PLCB1: variants seen among roughly 807,000 people sequenced by gnomAD.
PLCB1 encodes 1-phosphatidylinositol 4,5-bisphosphate phosphodiesterase beta-1.
Under a neutral mutation model 161.8 loss-of-function variants are expected in PLCB1, and 46 were observed. The observed-to-expected ratio is 0.28, with a 90% confidence interval of 0.22 to 0.36. PLCB1 has a LOEUF of 0.36. Ranked by LOEUF, PLCB1 falls within the 10% of genes least tolerant of loss-of-function variation. The pLI is 1.00. For missense variants in PLCB1, 1,016 were observed against 1,472.5 expected (o/e 0.69, Z 5.07); for synonymous variants, 517 against 503.7 (o/e 1.03, Z -0.35).
intron 1 of PLCB1, among the ~76,000 whole-genome samples, chr20:8,137,384 T>C (rs2051360279): frequency 6.6e-6 from 1 of 152,224 alleles, no homozygotes; most frequent in East Asian, 1.9e-4. Context: ...AGTTGGTAGC[T>C]GGCTGATGTG....
intron 31 of PLCB1, among the ~76,000 whole-genome samples, chr20:8,834,808 CAGAAAAAAAA>C (rs1986202579): frequency 3.1e-5 from 1 of 32,148 alleles, no homozygotes; most frequent in African/African-American, 1.5e-4. Context: ...GACTCTGCCT[CAGAAAAAAAA>C]AAAAAAAAAA....
At chr20:8,180,646 T>C (rs1333906534) in intron 2 of PLCB1, among the ~76,000 whole-genome samples, 2 of 148,264 alleles carry the variant, frequency 1.3e-5, no homozygotes, top group Non-Finnish European at 3.0e-5. Flanking sequence ...CTTTCAGGAA[T>C]CCAAAGTCCA....
chr20:8,688,643 T>G (rs1291933422), intron 10 of PLCB1, among the ~76,000 whole-genome samples: 1 of 152,174 alleles, frequency 6.6e-6, no homozygotes, highest in East Asian at 1.9e-4. Context: ...TTGTCAAAGA[T>G]CAGTTGGCTG....
chr20:8,352,880 C>T (rs1190245160), intron 2 of PLCB1, among the ~76,000 whole-genome samples: 1 of 152,102 alleles, frequency 6.6e-6, no homozygotes, highest in Non-Finnish European at 1.5e-5. Flanking sequence ...AGAATTGTGA[C>T]ATCAGTGTGA....
At chr20:8,254,437 T>C (rs988320393) in intron 2 of PLCB1, among the ~76,000 whole-genome samples, 2 of 151,992 alleles carry the variant, frequency 1.3e-5, no homozygotes, top group Non-Finnish European at 2.9e-5. Context: ...AATTTTGGGC[T>C]AATGTATCTT....
rs1980294746 is a variant in PLCB1, at chr20:8,436,191, G to A, written c.246+64741G>A. ...CTCTACTAAAAACACAAAAAAGTTA[G>A]CCAGGCATGGTTAATTAGCCCTGCT... is the stretch of plus-strand genomic sequence containing the variant. On this transcript the variant is annotated intron_variant, in intron 3 of 31. Coordinates refer to ENST00000338037, the MANE Select transcript of PLCB1 (RefSeq NM_015192.4). 2.6e-5 allele frequency among the ~76,000 whole-genome samples: 4 copies of A among 152,124 alleles called. No individual in the cohort carries two copies. In the South Asian group the frequency reaches 8.3e-4, roughly 32 times the overall value.
chr20:8,628,937 A>T (rs1040139991), intron 4 of PLCB1, among the ~76,000 whole-genome samples: 6 of 152,116 alleles, frequency 3.9e-5, no homozygotes, highest in Non-Finnish European at 5.9e-5. Flanking sequence ...TATCTCAAAA[A>T]AAAAAAATAA....
rs1167968829 is a variant in PLCB1 at position 8,422,213 on chromosome 20, G to C, written c.246+50763G>C. Among the ~76,000 whole-genome samples, 5 of 152,298 alleles carry C rather than the reference G, an allele frequency of 3.3e-5. No individual in the cohort carries two copies. In the East Asian group the frequency reaches 9.6e-4, roughly 29 times the overall value. ...TCAGCTGGTGAAGTTTATAGAGCCA[G>C]ATGTATTTAGTAGAAATCAGAGCGT... is the stretch of plus-strand genomic sequence containing the variant. On this transcript the variant is annotated intron_variant, in intron 3 of 31. Coordinates refer to ENST00000338037, the MANE Select transcript of PLCB1 (RefSeq NM_015192.4).
chr20:8,336,987 A>T (rs990203990), intron 2 of PLCB1, among the ~76,000 whole-genome samples: 3 of 152,142 alleles, frequency 2.0e-5, no homozygotes, highest in Non-Finnish European at 2.9e-5. Flanking sequence ...ACATGTATTT[A>T]CATATTTTAG....
intron 3 of PLCB1, among the ~76,000 whole-genome samples, chr20:8,478,663 A>C (rs1302917931): frequency 6.6e-6 from 1 of 152,184 alleles, no homozygotes; most frequent in Non-Finnish European, 1.5e-5. Context: ...TAATTAAGGA[A>C]GGTAGCTTTG....
At chr20:8,414,678 A>G (rs1040820969) in intron 3 of PLCB1, among the ~76,000 whole-genome samples, 5 of 152,196 alleles carry the variant, frequency 3.3e-5, no homozygotes, top group African/African-American at 1.2e-4. Flanking sequence ...CACTGCTAGA[A>G]ATGTTCTGTA....
chr20:8,202,176 A>G (rs942186925), intron 2 of PLCB1, among the ~76,000 whole-genome samples: 1 of 152,162 alleles, frequency 6.6e-6, no homozygotes, highest in African/African-American at 2.4e-5. Flanking sequence ...TCCTGGGTTC[A>G]TGCAATTCTC....
At position 8,434,069 on chromosome 20, in the gene PLCB1, G is replaced by A. The variant is rs377065839; in HGVS notation, c.246+62619G>A. Among the ~76,000 whole-genome samples, 5 of 152,266 alleles carry A rather than the reference G, an allele frequency of 3.3e-5. No homozygotes were observed. The South Asian group carries it at 1.0e-3, about 32-fold the overall frequency. On this transcript the variant is annotated intron_variant, in intron 3 of 31. Transcript: ENST00000338037. ...GTTTCTTTCTTTCTCATTCTTATGA[G>A]TTTGATTTCCCATTCTTAAGCAAAA...
chr20:8,392,548 G>T (rs1427541666), intron 3 of PLCB1, among the ~76,000 whole-genome samples: 3 of 152,128 alleles, frequency 2.0e-5, no homozygotes, highest in Non-Finnish European at 4.4e-5. Context: ...CATAAAAAAT[G>T]AAAGAGACAA....
intron 7 of PLCB1, among the ~76,000 whole-genome samples, chr20:8,655,468 T>A (rs1482244782): frequency 1.3e-5 from 2 of 152,062 alleles, no homozygotes; most frequent in Non-Finnish European, 2.9e-5. Context: ...ACATTGAGTG[T>A]TGAAATGTGA....
chr20:8,268,617 C>A (rs1021153913), intron 2 of PLCB1, among the ~76,000 whole-genome samples: 1 of 152,214 alleles, frequency 6.6e-6, no homozygotes, highest in Non-Finnish European at 1.5e-5. Flanking sequence ...TCCACATCCT[C>A]TCCAGCACCT....
At chr20:8,529,668 A>T (rs1984722970) in intron 3 of PLCB1, among the ~76,000 whole-genome samples, 1 of 152,054 alleles carries the variant, frequency 6.6e-6, no homozygotes, top group Non-Finnish European at 1.5e-5. Context: ...CAGTCACAAA[A>T]TTCAGAAGGA....
At chr20:8,310,824 G>A (rs975114847) in intron 2 of PLCB1, among the ~76,000 whole-genome samples, 2 of 152,164 alleles carry the variant, frequency 1.3e-5, no homozygotes, top group East Asian at 1.9e-4. Context: ...TGTGATATTG[G>A]TTTTCTGGCT....
intron 10 of PLCB1, among the ~76,000 whole-genome samples, chr20:8,691,217 A>T (rs553410912): frequency 3.9e-5 from 6 of 152,156 alleles, no homozygotes; most frequent in Non-Finnish European, 7.4e-5. Flanking sequence ...TATGATATAA[A>T]CATTCAAGCT....
Sources: gnomAD v4.1 joint callset for allele counts (sites outside exome capture counted in the v4.1 genomes callset) on GRCh38, gnomAD v4.1.1 for gene constraint, MANE v1.5 for transcripts, NCBI Gene and HGNC (gene_info 2026-07-23, HGNC 2026-07-21) for gene names.